The following BCAR3 variants were observed in gnomAD, a reference collection of about 807,000 sequenced individuals.
BCAR3 encodes BCAR3 adaptor protein, NSP family member, also known as breast cancer anti-estrogen resistance protein 3.
Under a neutral mutation model 80.1 loss-of-function variants are expected in BCAR3, and 37 were observed. The observed-to-expected ratio is 0.46, with a 90% CI of 0.36 to 0.61. The LOEUF (loss-of-function observed/expected upper bound fraction) is 0.61, where lower values mean the gene tolerates loss of function less well. BCAR3 is among the 20% of genes least tolerant of loss of function. BCAR3 has a pLI of 0.00. For missense variants in BCAR3, 978 were observed against 1,068.2 expected (o/e 0.92, Z 1.18); for synonymous variants, 389 against 418.9 (o/e 0.93, Z 0.87).
At chr1:93,749,783 C>G (rs371520756) in intron 2 of BCAR3, among the ~76,000 whole-genome samples, 2 of 151,778 alleles carry the variant, frequency 1.3e-5, no homozygotes, top group Non-Finnish European at 2.9e-5. Context: ...ACAAGTATTA[C>G]GTAAAGCAAA....
intron 2 of BCAR3, among the ~76,000 whole-genome samples, chr1:93,837,080 C>T (rs1459933284): frequency 2.6e-5 from 4 of 152,082 alleles, no homozygotes; most frequent in African/African-American, 7.2e-5. Flanking sequence ...CACATGGATG[C>T]ACACGACAGC....
At chr1:93,666,498 C>T (rs1345583144) in intron 2 of BCAR3, among the ~76,000 whole-genome samples, 1 of 152,156 alleles carries the variant, frequency 6.6e-6, no homozygotes, top group Non-Finnish European at 1.5e-5. Context: ...TTTGTAGTTA[C>T]GTACTTAATG....
chr1:93,673,258 A>T (rs1648306181), intron 2 of BCAR3, among the ~76,000 whole-genome samples: 2 of 152,228 alleles, frequency 1.3e-5, no homozygotes, highest in Non-Finnish European at 2.9e-5. Flanking sequence ...CTGGGAAGAT[A>T]TTGCTTCAGA....
At chr1:93,600,535 T>C (rs1250205421) in intron 3 of BCAR3, 1 of 152,150 alleles carries the variant, frequency 6.6e-6, no homozygotes, top group Non-Finnish European at 1.5e-5. Flanking sequence ...TGAGGAAATA[T>C]TGGTTATGCT....
intron 5 of BCAR3, 35 bp from the exon 6 acceptor site, chr1:93,584,156 A>G: frequency 6.3e-7 from 1 of 1,576,494 alleles, no homozygotes; most frequent in Non-Finnish European, 8.7e-7. Flanking sequence ...GAAATGTGTT[A>G]CTAACGTGTA....
intron 2 of BCAR3, among the ~76,000 whole-genome samples, chr1:93,812,015 T>C (rs867763600): frequency 4.6e-5 from 7 of 152,244 alleles, no homozygotes; most frequent in Admixed American, 2.0e-4. Flanking sequence ...GCCCACTTGC[T>C]GCTTAGGAGA....
chr1:93,681,788 G>C lies in BCAR3; in HGVS notation c.-202C>G, dbSNP rs1405577586. On this transcript the variant is annotated 5_prime_UTR_variant, in exon 1 of 12. Coordinates refer to ENST00000260502, the MANE Select transcript of BCAR3 (RefSeq NM_003567.4). ...CTAGCCGGTGCGCCCCGCAGCTCCG[G>C]CTCCGGTCCCGGCCCCGTCCCCCGC... The C allele has an allele frequency of 6.6e-6, 1 of 151,910 alleles. No individual in the cohort carries two copies. Among genetic ancestry groups the C allele is most frequent in the Non-Finnish European group, 1.5e-5 (1 of 68,012 alleles). The allele number at this position is 151,910 out of a possible 1,614,324, so 9.4% of individuals were successfully genotyped here.
intron 2 of BCAR3, among the ~76,000 whole-genome samples, chr1:93,778,253 C>T (rs1652644227): frequency 6.6e-6 from 1 of 151,902 alleles, no homozygotes; most frequent in African/African-American, 2.4e-5. Flanking sequence ...TGTTTCTAGG[C>T]CTTAATAGTG....
intron 1 of BCAR3, among the ~76,000 whole-genome samples, chr1:93,678,168 C>T (rs1032068165): frequency 9.8e-5 from 15 of 152,310 alleles, no homozygotes; most frequent in South Asian, 8.3e-4. Context: ...GTGGGCGGGA[C>T]ATTAGCATCA....
At chr1:93,589,765 A>C (rs1232895413) in intron 4 of BCAR3, among the ~76,000 whole-genome samples, 1 of 152,212 alleles carries the variant, frequency 6.6e-6, no homozygotes, top group African/African-American at 2.4e-5. Context: ...CTGTAAGGTC[A>C]GGGAAGAAGT....
intron 2 of BCAR3, among the ~76,000 whole-genome samples, chr1:93,809,773 G>GAAAAAAAAAAAAAAAAAAAAAAAAAAA (rs1571143045): frequency 2.1e-5 from 1 of 46,982 alleles, no homozygotes; most frequent in African/African-American, 8.1e-5. Context: ...GTCTCAAAAA[G>GAAAAAAAAAAAAAAAAAAAAAAAAAAA]ATAAAAAAAA....
intron 2 of BCAR3, among the ~76,000 whole-genome samples, chr1:93,840,074 C>T (rs1227592650): frequency 2.0e-5 from 3 of 152,146 alleles, no homozygotes; most frequent in Admixed American, 6.5e-5. Context: ...AAAAAAAATG[C>T]TGATGCCAGG....
chr1:93,710,137 C>T (rs1014828401), intron 2 of BCAR3, among the ~76,000 whole-genome samples: 14 of 152,128 alleles, frequency 9.2e-5, no homozygotes, highest in East Asian at 3.9e-4. Flanking sequence ...AACTCACTCC[C>T]GGTGGATAGG....
At chr1:93,766,914 G>A (rs1652173110) in intron 2 of BCAR3, among the ~76,000 whole-genome samples, 1 of 152,156 alleles carries the variant, frequency 6.6e-6, no homozygotes, top group Non-Finnish European at 1.5e-5. Context: ...GTACAACAAA[G>A]GCTATGTTGT....
intron 2 of BCAR3, among the ~76,000 whole-genome samples, chr1:93,745,191 G>A (rs1023348233): frequency 6.6e-6 from 1 of 152,234 alleles, no homozygotes; most frequent in Admixed American, 6.5e-5. Flanking sequence ...CCAAGAACCT[G>A]CTGGTTTGGC....
intron 3 of BCAR3, among the ~76,000 whole-genome samples, chr1:93,601,400 A>T (rs894448363): frequency 1.3e-5 from 2 of 152,246 alleles, no homozygotes; most frequent in Admixed American, 6.5e-5. Context: ...CAAAGTCAAC[A>T]GTTCCTGGGA....
chr1:93,829,196 G>C (rs1178868794), intron 2 of BCAR3, among the ~76,000 whole-genome samples: 3 of 152,104 alleles, frequency 2.0e-5, no homozygotes, highest in Non-Finnish European at 4.4e-5. Context: ...CAGGGGATTG[G>C]GTTGACCAGG....
At chr1:93,650,774 C>T (rs191225287) in intron 2 of BCAR3, among the ~76,000 whole-genome samples, 154 of 152,116 alleles carry the variant, frequency 1.0e-3, no homozygotes, top group African/African-American at 3.5e-3. Flanking sequence ...AAACCTAACC[C>T]GATGAAACAG....
intron 2 of BCAR3, among the ~76,000 whole-genome samples, chr1:93,816,387 C>A (rs558066723): frequency 9.2e-5 from 14 of 152,030 alleles, no homozygotes; most frequent in South Asian, 2.1e-4. Context: ...GAAATTAAAA[C>A]TCTGGGCTGG....
Sources: gnomAD v4.1 joint callset for allele counts (sites outside exome capture counted in the v4.1 genomes callset) on GRCh38, gnomAD v4.1.1 for gene constraint, MANE v1.5 for transcripts, NCBI Gene and HGNC (gene_info 2026-07-23, HGNC 2026-07-21) for gene names.